Variants in PRH1 observed in about 807,000 individuals in gnomAD.
PRH1 encodes salivary acidic proline-rich phosphoprotein 1/2.
Under a neutral mutation model 7.9 loss-of-function variants are expected in PRH1, and 7 were observed. That is an observed-to-expected ratio of 0.89 (90% CI 0.50 to 1.67). The LOEUF (loss-of-function observed/expected upper bound fraction) is 1.67, where lower values mean the gene tolerates loss of function less well. Among genes scored for constraint, PRH1 ranks in the 40% most tolerant of loss-of-function variants. PRH1 has a pLI of 0.00. For synonymous variants in PRH1, 45 were observed against 80.8 expected, an observed-to-expected ratio of 0.56 and a Z score of 2.38; for missense variants, 109 against 223.6, an observed-to-expected ratio of 0.49 and a Z score of 3.27.
At chr12:11,091,113 C>T (rs540342654) in intron 1 of PRH1, among the ~76,000 whole-genome samples, 1 of 5,662 alleles carries the variant, frequency 1.8e-4, no homozygotes, top group African/African-American at 2.6e-4. Context: ...CACACACACA[C>T]ACATATATAT....
intron 2 of PRH1, among the ~76,000 whole-genome samples, chr12:10,960,492 T>C (rs1390822407): frequency 6.6e-6 from 1 of 152,216 alleles, no homozygotes; most frequent in Non-Finnish European, 1.5e-5. Flanking sequence ...ACTTTGTATG[T>C]GGCTTTTGAT....
intron 1 of PRH1, among the ~76,000 whole-genome samples, chr12:11,146,946 T>G (rs1946879374): frequency 6.6e-6 from 1 of 152,186 alleles, no homozygotes; most frequent in Non-Finnish European, 1.5e-5. Context: ...TGTGCCAAAA[T>G]TCTTTCAATT....
rs183575542 is a variant in PRH1 at position 11,073,046 on chromosome 12, C to A, written n.124-25858G>T. On this transcript the variant is annotated intron_variant and non_coding_transcript_variant, in intron 1 of 4. Coordinates refer to the PRH1 transcript ENST00000541977. ...TAAAATACTAGCAGAAAGAGATACA[C>A]CTGATAATATTTGGAAACCTGCAAC... Among the ~76,000 whole-genome samples, 5 of 148,116 alleles carry A rather than the reference C, an allele frequency of 3.4e-5. No homozygotes were observed. In the East Asian group the frequency reaches 9.7e-4, roughly 29 times the overall value.
intron 2 of PRH1, chr12:10,908,766 G>T: frequency 6.2e-7 from 1 of 1,613,896 alleles, no homozygotes; most frequent in Non-Finnish European, 8.5e-7. Flanking sequence ...GAATTTGACC[G>T]ACACTGAAAA....
intron 1 of PRH1, among the ~76,000 whole-genome samples, chr12:11,015,546 C>G (rs1486935298): frequency 6.6e-6 from 1 of 152,130 alleles, no homozygotes; most frequent in Non-Finnish European, 1.5e-5. Flanking sequence ...TCCAGTAAAC[C>G]AGATATTGGC....
intron 1 of PRH1, among the ~76,000 whole-genome samples, chr12:11,124,444 C>T (rs72477453): frequency 7.0e-6 from 1 of 143,422 alleles, no homozygotes; most frequent in Admixed American, 7.0e-5. Flanking sequence ...TCTTATTAAG[C>T]AATTTTATTT....
intron 1 of PRH1, chr12:10,986,942 T>C (rs1456417011): frequency 4.0e-6 from 4 of 990,836 alleles, no homozygotes; most frequent in Non-Finnish European, 4.3e-6. Context: ...TTAAATTTTA[T>C]GTGCATCTGA....
intron 1 of PRH1, among the ~76,000 whole-genome samples, chr12:11,019,730 T>C (rs1403099324): frequency 6.6e-6 from 1 of 152,296 alleles, no homozygotes; most frequent in Non-Finnish European, 1.5e-5. Context: ...TGCTAGCTTT[T>C]ATTTTTACTT....
intron 1 of PRH1, among the ~76,000 whole-genome samples, chr12:11,135,160 G>A (rs1258394464): frequency 2.6e-5 from 4 of 152,052 alleles, no homozygotes; most frequent in Admixed American, 6.6e-5. Flanking sequence ...AATTTTATAA[G>A]TATTCCTGAG....
chr12:10,932,087 G>A (rs1950221744), intron 2 of PRH1: 13 of 259,056 alleles, frequency 5.0e-5, no homozygotes, highest in South Asian at 4.5e-4. Flanking sequence ...CAAAGAAAAT[G>A]ATATTAAGGA....
At chr12:11,124,527 A>C (rs1243673886) in intron 1 of PRH1, among the ~76,000 whole-genome samples, 1 of 152,278 alleles carries the variant, frequency 6.6e-6, no homozygotes. Context: ...TTTCTTCAGC[A>C]ATGTATTTTA....
intron 2 of PRH1, among the ~76,000 whole-genome samples, chr12:10,892,387 T>C (rs1190665741): frequency 6.6e-6 from 1 of 152,198 alleles, no homozygotes; most frequent in African/African-American, 2.4e-5. Context: ...AATGTTTCTT[T>C]CTTTTGCATA....
intron 1 of PRH1, among the ~76,000 whole-genome samples, chr12:11,020,351 C>T (rs374072303): frequency 0.047 from 634 of 13,588 alleles, no homozygotes; most frequent in Middle Eastern, 0.14. Flanking sequence ...CTAGGGAGGA[C>T]GTATGATAAG....
chr12:10,979,647 T>C (rs1939261679), intron 1 of PRH1, among the ~76,000 whole-genome samples: 1 of 152,214 alleles, frequency 6.6e-6, no homozygotes, highest in Non-Finnish European at 1.5e-5. Flanking sequence ...CTCTGGCTGC[T>C]ACATTGAGAA....
intron 2 of PRH1, among the ~76,000 whole-genome samples, chr12:10,912,358 T>C (rs998284464): frequency 2.0e-5 from 3 of 152,146 alleles, no homozygotes; most frequent in Non-Finnish European, 4.4e-5. Flanking sequence ...TTTCTAGATA[T>C]TTGTCAGTTT....
At chr12:11,050,623 T>C (rs1943104531), upstream of PRH1, among the ~76,000 whole-genome samples, 1 of 152,278 alleles carries the variant, frequency 6.6e-6, no homozygotes, top group Non-Finnish European at 1.5e-5. Context: ...GTCTGTTTTT[T>C]GTTTAAATAT....
intron 1 of PRH1, among the ~76,000 whole-genome samples, chr12:11,146,641 T>C (rs533100226): frequency 6.6e-6 from 1 of 152,308 alleles, no homozygotes; most frequent in African/African-American, 2.4e-5. Context: ...ATCTTTCAGA[T>C]AAAATCCTCA....
At position 10,902,340 on chromosome 12, in the gene PRH1, G is replaced by A. The variant is rs566220322; in HGVS notation, c.-58-18065C>T. 7.4e-4 allele frequency among the ~76,000 whole-genome samples: 112 copies of A among 152,148 alleles called. 1 individual carries two copies. The highest frequency in any genetic ancestry group is 2.6e-3 in the African/African-American group (109 of 41,522). ...AAAATTAAAAATAATTTAAAAATAT[G>A]AATACAGTCTTAGAGCAATATGGGA... On this transcript the variant is annotated intron_variant, in intron 2 of 3. Transcript: ENST00000539853.
intron 1 of PRH1, among the ~76,000 whole-genome samples, chr12:11,132,228 A>G (rs1946367534): frequency 1.3e-5 from 1 of 79,078 alleles, no homozygotes; most frequent in African/African-American, 3.4e-5. Context: ...AAATTACACT[A>G]GGACAAATCC....
Sources: allele counts gnomAD v4.1 joint callset (sites outside exome capture counted in the v4.1 genomes callset), GRCh38; gene constraint gnomAD v4.1.1; transcripts MANE v1.5; gene names NCBI Gene and HGNC (gene_info 2026-07-23, HGNC 2026-07-21).